The following EPHA6 variants were observed in gnomAD, a reference collection of about 807,000 sequenced individuals.
EPHA6 encodes EPH receptor A6.
Under a neutral mutation model 112.0 loss-of-function variants are expected in EPHA6, and 50 were observed. The observed-to-expected ratio is 0.45, with a 90% CI of 0.36 to 0.56. The LOEUF (loss-of-function observed/expected upper bound fraction) is 0.56. Ranked by LOEUF, EPHA6 falls within the 20% of genes least tolerant of loss-of-function variation. The probability of loss-of-function intolerance (pLI) is 0.00; values close to 1 mark genes in which losing one functional copy is unlikely to be tolerated. For synonymous variants in EPHA6, 529 were observed against 490.7 expected, an observed-to-expected ratio of 1.08 and a Z score of -1.03; for missense variants, 1,280 against 1,417.4, an observed-to-expected ratio of 0.90 and a Z score of 1.56.
chr3:97,137,691 T>G (rs1245883112), intron 3 of EPHA6, among the ~76,000 whole-genome samples: 1 of 152,160 alleles, frequency 6.6e-6, no homozygotes. Flanking sequence ...AATTACAGCA[T>G]TTGCCAAATG....
intron 1 of EPHA6, among the ~76,000 whole-genome samples, chr3:96,821,009 T>C (rs894041753): frequency 2.0e-5 from 3 of 151,914 alleles, no homozygotes; most frequent in African/African-American, 7.2e-5. Context: ...ATAATGTGTT[T>C]TCAGATACTT....
chr3:96,829,384 A>G (rs866924213), intron 1 of EPHA6, among the ~76,000 whole-genome samples: 17 of 152,066 alleles, frequency 1.1e-4, no homozygotes, highest in Non-Finnish European at 1.0e-4. Context: ...GGGTCACATA[A>G]CCAGAAGCAG....
intron 5 of EPHA6, among the ~76,000 whole-genome samples, chr3:97,252,809 T>A (rs1267670223): frequency 1.3e-5 from 2 of 152,346 alleles, no homozygotes; most frequent in East Asian, 3.9e-4. Flanking sequence ...TGGCATTAGC[T>A]GAGCATTAAA....
chr3:96,869,027 T>C (rs62262946), intron 2 of EPHA6, among the ~76,000 whole-genome samples: 4,718 of 152,108 alleles, frequency 0.031, 104 homozygotes, highest in Middle Eastern at 0.068. Flanking sequence ...AAATAACGTT[T>C]TAGGCTTACA....
intron 14 of EPHA6, among the ~76,000 whole-genome samples, chr3:97,694,634 T>C (rs2032909334): frequency 1.3e-5 from 2 of 152,236 alleles, no homozygotes; most frequent in Non-Finnish European, 2.9e-5. Flanking sequence ...TTTTAATCTG[T>C]CCTTGGAAGT....
At chr3:97,278,008 C>T (rs2080154148) in intron 5 of EPHA6, among the ~76,000 whole-genome samples, 1 of 152,208 alleles carries the variant, frequency 6.6e-6, no homozygotes, top group African/African-American at 2.4e-5. Flanking sequence ...CTGTCATATG[C>T]TGTCTATCGT....
chr3:97,597,011 A>G (rs1435450546), intron 12 of EPHA6, among the ~76,000 whole-genome samples: 4 of 150,852 alleles, frequency 2.7e-5, no homozygotes, highest in East Asian at 1.9e-4. Flanking sequence ...CCAAACTCAA[A>G]TATATCTTAA....
chr3:97,227,484 G>A (rs1176864949), intron 4 of EPHA6, among the ~76,000 whole-genome samples: 1 of 152,176 alleles, frequency 6.6e-6, no homozygotes, highest in Non-Finnish European at 1.5e-5. Flanking sequence ...GCCTCCCAGA[G>A]TGCTGGGATT....
chr3:97,459,557 A>G (rs2090815973), intron 7 of EPHA6, among the ~76,000 whole-genome samples: 1 of 152,118 alleles, frequency 6.6e-6, no homozygotes, highest in Non-Finnish European at 1.5e-5. Flanking sequence ...CAAATTTCCT[A>G]GGTTTTTATT....
intron 5 of EPHA6, among the ~76,000 whole-genome samples, chr3:97,368,915 G>A (rs980136620): frequency 7.2e-5 from 11 of 152,078 alleles, no homozygotes; most frequent in South Asian, 4.1e-4. Context: ...CTATTATAAG[G>A]AAAATAACCT....
chr3:96,831,048 T>C (rs999045053), intron 1 of EPHA6, among the ~76,000 whole-genome samples: 5 of 152,182 alleles, frequency 3.3e-5, no homozygotes, highest in Admixed American at 2.6e-4. Context: ...TTTTATTTGC[T>C]GATTTAAGAA....
intron 3 of EPHA6, among the ~76,000 whole-genome samples, chr3:96,992,517 A>G (rs577289671): frequency 8.5e-5 from 13 of 152,322 alleles, no homozygotes; most frequent in Admixed American, 3.3e-4. Context: ...TCACTCATGT[A>G]TAATGCTTCA....
intron 1 of EPHA6, among the ~76,000 whole-genome samples, chr3:96,826,496 C>T (rs953411624): frequency 3.9e-5 from 6 of 152,050 alleles, no homozygotes; most frequent in African/African-American, 1.4e-4. Flanking sequence ...TTTATTTACT[C>T]TCCAAGTCTA....
chr3:97,641,900 C>T, intron 14 of EPHA6, among the ~76,000 whole-genome samples: 1 of 150,952 alleles, frequency 6.6e-6, no homozygotes, highest in South Asian at 2.1e-4. Context: ...CTTAGGTAAA[C>T]AAAGCAGCCA....
At chr3:97,119,984 A>G (rs80333988) in intron 3 of EPHA6, among the ~76,000 whole-genome samples, 1,735 of 152,048 alleles carry the variant, frequency 0.011, 23 homozygotes, top group Non-Finnish European at 0.017. Flanking sequence ...TTGTCTCATA[A>G]TTTCCCAAAA....
intron 5 of EPHA6, among the ~76,000 whole-genome samples, chr3:97,259,490 A>G (rs1264098025): frequency 6.6e-6 from 1 of 152,170 alleles, no homozygotes; most frequent in Admixed American, 6.5e-5. Flanking sequence ...TCCAAATAGA[A>G]TTTTGCCTTT....
chr3:97,471,640 G>C (rs528447179), intron 7 of EPHA6, among the ~76,000 whole-genome samples: 1 of 151,658 alleles, frequency 6.6e-6, no homozygotes, highest in South Asian at 2.1e-4. Context: ...TTAGTGTTGG[G>C]TACACTCTCT....
chr3:96,846,007 A>G (rs1483881066), intron 1 of EPHA6, among the ~76,000 whole-genome samples: 4 of 152,094 alleles, frequency 2.6e-5, no homozygotes, highest in Non-Finnish European at 5.9e-5. Flanking sequence ...CTTGAAGAAT[A>G]CAAAATCACA....
intron 2 of EPHA6, among the ~76,000 whole-genome samples, chr3:96,906,098 T>C (rs1575992568): frequency 6.6e-6 from 1 of 152,084 alleles, no homozygotes; most frequent in Non-Finnish European, 1.5e-5. Flanking sequence ...AGAAACCTAG[T>C]AAATTACCAA....
Sources: allele counts gnomAD v4.1 joint callset (sites outside exome capture counted in the v4.1 genomes callset), GRCh38; gene constraint gnomAD v4.1.1; transcripts MANE v1.5; gene names NCBI Gene and HGNC (gene_info 2026-07-23, HGNC 2026-07-21).